Variants in IQCK observed in about 807,000 individuals in gnomAD.
IQCK encodes the protein IQ domain-containing protein K.
In IQCK, 29 loss-of-function variants were observed where a neutral mutation model predicts 28.1. That is an observed-to-expected ratio of 1.03 (90% CI 0.77 to 1.41). The LOEUF (loss-of-function observed/expected upper bound fraction) is 1.41, where lower values mean the gene tolerates loss of function less well. Among genes scored for constraint, IQCK ranks in the 40% most tolerant of loss-of-function variants. IQCK has a pLI of 0.00. For missense variants in IQCK, 359 were observed against 314.7 expected, an observed-to-expected ratio of 1.14 and a Z score of -1.07; for synonymous variants, 113 against 115.1, an observed-to-expected ratio of 0.98 and a Z score of 0.12.
intron 4 of IQCK, among the ~76,000 whole-genome samples, chr16:19,738,757 T>C (rs939728950): frequency 6.6e-6 from 1 of 152,176 alleles, no homozygotes; most frequent in African/African-American, 2.4e-5. Flanking sequence ...TTCCCAGATA[T>C]TGTGGGTTAC....
At chr16:19,851,326 C>G (rs904418323) in intron 9 of IQCK, among the ~76,000 whole-genome samples, 3 of 152,184 alleles carry the variant, frequency 2.0e-5, no homozygotes, top group African/African-American at 7.2e-5. Context: ...GATTCTGTTT[C>G]TAAAGGTCTG....
chr16:19,746,595 C>CT (rs1221814501), intron 4 of IQCK, among the ~76,000 whole-genome samples: 1 of 152,170 alleles, frequency 6.6e-6, no homozygotes, highest in East Asian at 1.9e-4. Flanking sequence ...AGTCAAGTTT[C>CT]TTTTTTATTT....
exon 1 of IQCK, chr16:19,718,334 C>T (rs1567527250): frequency 6.2e-7 from 1 of 1,609,908 alleles, no homozygotes; most frequent in East Asian, 2.2e-5. Flanking sequence ...AATCCCCAGC[C>T]ACATAGTGCG....
chr16:19,856,047 A>G lies in IQCK; in HGVS notation c.803-440A>G, dbSNP rs539667831. On this transcript the variant is annotated intron_variant, in intron 9 of 9. Transcript: ENST00000320394. ...TCAGGTTCTTGGTCCAGACCATGACATAAGAGAAAAGATTTTCTTCAGACC... is the reference window on the plus strand; with the variant it reads ...TCAGGTTCTTGGTCCAGACCATGACGTAAGAGAAAAGATTTTCTTCAGACC... Among the ~76,000 whole-genome samples, 11 of 152,244 alleles carry G rather than the reference A, an allele frequency of 7.2e-5. No homozygotes were observed. In the South Asian group the frequency reaches 2.3e-3, roughly 32 times the overall value.
At chr16:19,719,054 A>T (rs1449461026) in intron 1 of IQCK, among the ~76,000 whole-genome samples, 2 of 152,068 alleles carry the variant, frequency 1.3e-5, no homozygotes, top group Non-Finnish European at 2.9e-5. Context: ...TTGTGGCTCT[A>T]CTCAGTATTT....
intron 7 of IQCK, among the ~76,000 whole-genome samples, chr16:19,807,646 A>T (rs1405152040): frequency 6.6e-6 from 1 of 152,160 alleles, no homozygotes; most frequent in Non-Finnish European, 1.5e-5. Flanking sequence ...AAGCAGCCCT[A>T]TGGGTGACAG....
At chr16:19,734,780 C>CA (rs1358666397) in intron 3 of IQCK, among the ~76,000 whole-genome samples, 654 of 64,722 alleles carry the variant, frequency 0.01, 3 homozygotes, top group African/African-American at 0.026. Flanking sequence ...GACTCTGTCT[C>CA]AAAAAAAAAA....
intron 1 of IQCK, among the ~76,000 whole-genome samples, chr16:19,727,830 G>A (rs112988365): frequency 1.3e-4 from 20 of 152,220 alleles, no homozygotes; most frequent in African/African-American, 4.8e-4. Flanking sequence ...TGGGGAAGAA[G>A]GGTGAATTTA....
intron 6 of IQCK, among the ~76,000 whole-genome samples, chr16:19,781,861 C>T (rs961618074): frequency 3.3e-5 from 5 of 152,004 alleles, no homozygotes; most frequent in South Asian, 2.1e-4. Context: ...TGGTGGCAGG[C>T]GCCTGTAATC....
intron 6 of IQCK, among the ~76,000 whole-genome samples, chr16:19,764,558 G>C (rs1299019336): frequency 6.6e-6 from 1 of 152,064 alleles, no homozygotes; most frequent in Non-Finnish European, 1.5e-5. Context: ...ATTCTAATAT[G>C]GGTGTCCTCC....
intron 4 of IQCK, among the ~76,000 whole-genome samples, chr16:19,755,178 C>T (rs1049038702): frequency 3.9e-5 from 6 of 152,112 alleles, no homozygotes; most frequent in East Asian, 1.9e-4. Context: ...GTGGAAAATA[C>T]GTGGGAAAGG....
At chr16:19,814,535 CAT>C (rs2055957389) in intron 7 of IQCK, among the ~76,000 whole-genome samples, 1 of 152,018 alleles carries the variant, frequency 6.6e-6, no homozygotes, top group Admixed American at 6.6e-5. Context: ...GAGTGAGAGA[CAT>C]AAATACAAAC....
intron 4 of IQCK, among the ~76,000 whole-genome samples, chr16:19,740,544 A>G (rs965440229): frequency 4.6e-5 from 7 of 152,178 alleles, no homozygotes; most frequent in Non-Finnish European, 1.0e-4. Context: ...CAATTGTATC[A>G]CTTTTTCCTA....
At chr16:19,843,806 C>A (rs1387514824) in intron 9 of IQCK, among the ~76,000 whole-genome samples, 1 of 152,076 alleles carries the variant, frequency 6.6e-6, no homozygotes, top group African/African-American at 2.4e-5. Context: ...ACCAGTTCTA[C>A]CAGATCAGGT....
chr16:19,749,710 G>A (rs1384106753), intron 4 of IQCK, among the ~76,000 whole-genome samples: 1 of 151,816 alleles, frequency 6.6e-6, no homozygotes, highest in African/African-American at 2.4e-5. Flanking sequence ...AGGCTGCAGT[G>A]AGCTATGATT....
intron 7 of IQCK, among the ~76,000 whole-genome samples, chr16:19,822,629 A>G (rs2056090549): frequency 6.6e-6 from 1 of 152,162 alleles, no homozygotes; most frequent in Non-Finnish European, 1.5e-5. Flanking sequence ...CTGTGGATCT[A>G]AAGACACAGA....
chr16:19,759,121 T>A (rs763425511), intron 4 of IQCK, among the ~76,000 whole-genome samples: 1 of 152,190 alleles, frequency 6.6e-6, no homozygotes, highest in Non-Finnish European at 1.5e-5. Context: ...GCTTTGATGC[T>A]TGAGAGTTGA....
chr16:19,733,384 C>T (rs1977902844), intron 2 of IQCK, among the ~76,000 whole-genome samples: 1 of 152,172 alleles, frequency 6.6e-6, no homozygotes, highest in African/African-American at 2.4e-5. Flanking sequence ...GATGATCCAT[C>T]TGCTTTGGCT....
chr16:19,782,833 C>G (rs888683327), intron 6 of IQCK, among the ~76,000 whole-genome samples: 3 of 152,156 alleles, frequency 2.0e-5, no homozygotes, highest in Non-Finnish European at 2.9e-5. Context: ...TGTTAGCATG[C>G]TGTATCTTCA....
Sources: allele counts gnomAD v4.1 joint callset (sites outside exome capture counted in the v4.1 genomes callset), GRCh38; gene constraint gnomAD v4.1.1; transcripts MANE v1.5; gene names NCBI Gene and HGNC (gene_info 2026-07-23, HGNC 2026-07-21).